The following FHIT variants were observed in gnomAD, a reference collection of about 807,000 sequenced individuals.
FHIT encodes fragile histidine triad diadenosine triphosphatase.
In FHIT, 19 loss-of-function variants were observed where a neutral mutation model predicts 17.9. The ratio of observed to expected loss-of-function variants is 1.06; its 90% confidence interval spans 0.74 to 1.56. FHIT has a LOEUF of 1.56. FHIT is among the 40% of genes most tolerant of loss of function. FHIT has a pLI of 0.00. For missense variants in FHIT, 248 were observed against 189.2 expected (o/e 1.31, Z -1.82); for synonymous variants, 81 against 69.7 (o/e 1.16, Z -0.81).
chr3:60,179,731 T>C (rs948694952), intron 5 of FHIT, among the ~76,000 whole-genome samples: 26 of 152,098 alleles, frequency 1.7e-4, no homozygotes, highest in African/African-American at 5.8e-4. Flanking sequence ...TCCAAGGTCA[T>C]GAAAACAGGC....
intron 4 of FHIT, among the ~76,000 whole-genome samples, chr3:60,777,409 T>G (rs1700245020): frequency 6.6e-6 from 1 of 152,356 alleles, no homozygotes; most frequent in East Asian, 1.9e-4. Flanking sequence ...GTTGAGTTTA[T>G]CTGAAGACCT....
intron 1 of FHIT, among the ~76,000 whole-genome samples, chr3:61,242,189 T>C (rs2040389127): frequency 1.3e-5 from 2 of 152,158 alleles, no homozygotes; most frequent in African/African-American, 4.8e-5. Flanking sequence ...GGAAAGGGTC[T>C]GAAAGGGGAT....
At chr3:60,914,009 G>A (rs1241375941) in intron 3 of FHIT, among the ~76,000 whole-genome samples, 2 of 152,138 alleles carry the variant, frequency 1.3e-5, no homozygotes, top group Non-Finnish European at 2.9e-5. Flanking sequence ...AAATGTCAAG[G>A]GGAGAAAAAA....
chr3:60,615,070 T>G (rs2038911979), intron 4 of FHIT, among the ~76,000 whole-genome samples: 1 of 152,012 alleles, frequency 6.6e-6, no homozygotes, highest in East Asian at 1.9e-4. Context: ...CCTCGTGATC[T>G]GCCTGCCTTG....
At chr3:60,618,327 G>A (rs781568290) in intron 4 of FHIT, among the ~76,000 whole-genome samples, 5 of 152,130 alleles carry the variant, frequency 3.3e-5, no homozygotes, top group Non-Finnish European at 5.9e-5. Flanking sequence ...TACAGGCTGT[G>A]CTGCTGTAGA....
intron 4 of FHIT, among the ~76,000 whole-genome samples, chr3:60,614,019 C>A (rs2038865487): frequency 6.6e-6 from 1 of 151,992 alleles, no homozygotes; most frequent in Non-Finnish European, 1.5e-5. Context: ...CAGCATGAAA[C>A]ATGAAGTGAT....
chr3:61,207,160 G>A (rs1461988772), intron 1 of FHIT, among the ~76,000 whole-genome samples: 1 of 152,146 alleles, frequency 6.6e-6, no homozygotes, highest in Non-Finnish European at 1.5e-5. Flanking sequence ...TGCATCCCAG[G>A]GATGAAACCC....
chr3:60,423,106 A>G (rs1576630622), intron 5 of FHIT, among the ~76,000 whole-genome samples: 1 of 152,204 alleles, frequency 6.6e-6, no homozygotes, highest in African/African-American at 2.4e-5. Flanking sequence ...CTCAATTGCC[A>G]CCAGCAGCCT....
chr3:61,188,692 TG>T (rs1246935983), intron 2 of FHIT, among the ~76,000 whole-genome samples: 23 of 152,132 alleles, frequency 1.5e-4, no homozygotes, highest in African/African-American at 5.3e-4. Context: ...AATAAAATAC[TG>T]GCAAACCGAA....
At chr3:61,057,723 T>G (rs886434590) in intron 2 of FHIT, among the ~76,000 whole-genome samples, 2 of 152,206 alleles carry the variant, frequency 1.3e-5, no homozygotes, top group Non-Finnish European at 2.9e-5. Context: ...AAAGGTTCAC[T>G]GCACTCGGGT....
chr3:59,869,147 C>G (rs998611186), intron 8 of FHIT, among the ~76,000 whole-genome samples: 3 of 152,166 alleles, frequency 2.0e-5, no homozygotes, highest in African/African-American at 7.2e-5. Flanking sequence ...ACTCCACTGC[C>G]TTTCAAATAA....
At chr3:60,316,042 C>G (rs757125286) in intron 5 of FHIT, among the ~76,000 whole-genome samples, 1 of 152,140 alleles carries the variant, frequency 6.6e-6, no homozygotes, top group African/African-American at 2.4e-5. Flanking sequence ...TCAATGATGT[C>G]TACTGTCATG....
intron 3 of FHIT, among the ~76,000 whole-genome samples, chr3:60,860,468 A>ACCTGATATATATGATACATATG (rs1229696259): frequency 1.0e-5 from 1 of 97,946 alleles, no homozygotes; most frequent in Non-Finnish European, 2.3e-5. Context: ...GTACATATAT[A>ACCTGATATATATGATACATATG]TGTATATATG....
At chr3:60,371,108 G>T (rs1351003659) in intron 5 of FHIT, among the ~76,000 whole-genome samples, 1 of 152,126 alleles carries the variant, frequency 6.6e-6, no homozygotes, top group African/African-American at 2.4e-5. Context: ...GAAGACTCTG[G>T]TTTTTCTGAC....
In FHIT at chr3:60,569,593, T is replaced by C. The variant is rs182517445; in HGVS notation, c.-17-32614A>G. 9.9e-5 allele frequency among the ~76,000 whole-genome samples: 15 copies of C among 151,494 alleles called. No individual in the cohort carries two copies. The East Asian group carries it at 2.7e-3, about 28-fold the overall frequency. On this transcript the variant is annotated intron_variant, in intron 4 of 9. Coordinates refer to ENST00000492590, the MANE Select transcript of FHIT (RefSeq NM_002012.4). ...AAGCTCTAGTGTCAGAACGCCTGGG[T>C]TCTTATTCCATCTGGCTAGCTAGGA... is the stretch of plus-strand genomic sequence containing the variant.
chr3:59,986,540 T>TAAATATATAA (rs1473518719), intron 7 of FHIT, among the ~76,000 whole-genome samples: 1 of 12,454 alleles, frequency 8.0e-5, no homozygotes, highest in Non-Finnish European at 1.3e-4. Flanking sequence ...TATATATATA[T>TAAATATATAA]ACACACACAC....
chr3:59,820,606 C>T (rs1373833214), intron 8 of FHIT, among the ~76,000 whole-genome samples: 1 of 152,188 alleles, frequency 6.6e-6, no homozygotes, highest in East Asian at 1.9e-4. Context: ...TATATATTGT[C>T]TTTGGCTGCT....
At chr3:60,782,830 C>G (rs1169776468) in intron 4 of FHIT, among the ~76,000 whole-genome samples, 1 of 152,140 alleles carries the variant, frequency 6.6e-6, no homozygotes, top group Non-Finnish European at 1.5e-5. Context: ...TGTATCCTCA[C>G]GTGGACGAAG....
chr3:61,148,637 CT>C (rs1174065763), intron 2 of FHIT, among the ~76,000 whole-genome samples: 2 of 152,028 alleles, frequency 1.3e-5, no homozygotes, highest in Non-Finnish European at 2.9e-5. Flanking sequence ...AAGTGCTTGG[CT>C]ATTATAAATA....
Sources: allele counts gnomAD v4.1 joint callset (sites outside exome capture counted in the v4.1 genomes callset), GRCh38; gene constraint gnomAD v4.1.1; transcripts MANE v1.5; gene names NCBI Gene and HGNC (gene_info 2026-07-23, HGNC 2026-07-21).